IGFN1: variants seen among roughly 807,000 people sequenced by gnomAD.
IGFN1 encodes immunoglobulin-like and fibronectin type III domain-containing protein 1.
In IGFN1, 253 loss-of-function variants were observed where a neutral mutation model predicts 289.5. The observed-to-expected ratio is 0.87, with a 90% CI of 0.79 to 0.97. The LOEUF (loss-of-function observed/expected upper bound fraction) is 0.97. Among genes scored for constraint, IGFN1 ranks in the 50% least tolerant of loss-of-function variants. The pLI is 0.00. For synonymous variants in IGFN1, 1,706 were observed against 1,788.5 expected (o/e 0.95, Z 1.16); for missense variants, 4,470 against 4,686.1 (o/e 0.95, Z 1.35).
At chr1:201,220,108 C>T (rs190455040) in intron 18 of IGFN1, among the ~76,000 whole-genome samples, 1 of 144,496 alleles carries the variant, frequency 6.9e-6, no homozygotes, top group Non-Finnish European at 1.5e-5. Flanking sequence ...CTCTCTCCCC[C>T]TTCCTCCCTC....
At position 201,226,911 on chromosome 1, in the gene IGFN1, C is replaced by T. The variant is rs532414867; in HGVS notation, c.10816C>T (p.Arg3606Trp). Reference sequence around the variant, plus strand: ...GTTCACAGTGAAGGCTCCGTGCTACCGGGAGCCCGACCTGAGCCAGAAGCC... The same window carrying T: ...GTTCACAGTGAAGGCTCCGTGCTACTGGGAGCCCGACCTGAGCCAGAAGCC... The part of the protein sequence containing the change: ...DRFTVKAPCY[R>W]EPDLSQKPRF... The change falls in exon 23 of 24, where the codon CGG (arginine) becomes TGG (tryptophan). Residue 3606 changes from arginine (R) to tryptophan (W), a missense_variant. Arg to Trp is a moderately radical substitution (Grantham distance 101). This residue lies in a region of IGFN1 where 2,218 missense variants were observed against 2,114.1 expected (regional missense o/e 1.05). Coordinates refer to ENST00000335211, the MANE Select transcript of IGFN1 (RefSeq NM_001164586.2). 6.2e-5 allele frequency: 100 copies of T among 1,605,066 alleles called. No individual in the cohort carries two copies. In the East Asian group the frequency reaches 7.6e-4, roughly 12 times the overall value.
rs985692603 is a variant in IGFN1 at position 201,206,691 on chromosome 1, C to T, written c.1798C>T (p.Arg600Ter). 17 of 1,536,654 alleles carry T rather than the reference C, an allele frequency of 1.1e-5. No homozygotes were observed. The highest frequency in any genetic ancestry group is 1.7e-4 in the Middle Eastern group (1 of 6,012). The change falls in exon 12 of 24, where the codon CGA becomes TGA. Residue 600 changes from arginine to a stop codon, truncating the protein, a stop_gained. Transcript: ENST00000335211. LOFTEE classifies it high-confidence loss of function. Reference protein sequence around the residue: ...RHAPEQLWDARLGPGRGKSDL... With the variant: ...RHAPEQLWDA ...TGCCCCAGAGCAACTGTGGGATGCT[C>T]GACTGGGACCTGGGAGAGGAAAGAG...
At position 201,208,329 on chromosome 1, in the gene IGFN1, G is replaced by A. The variant is rs536971704; in HGVS notation, c.3436G>A (p.Gly1146Arg). The change falls in exon 12 of 24, where the codon GGG becomes AGG. Residue 1146 changes from glycine to arginine, a missense_variant. By Grantham distance (125) the Gly-to-Arg change is moderately radical. This residue lies in a region of IGFN1 where 2,011 missense variants were observed against 1,953.4 expected (regional missense o/e 1.03). Coordinates refer to ENST00000335211, the MANE Select transcript of IGFN1 (RefSeq NM_001164586.2). Reference sequence around the variant, plus strand: ...AGAAGGAGGCTATGAAGATGGCTCTGGGGGTCCAGGAGCCATGGGACCAGG... The same window carrying A: ...AGAAGGAGGCTATGAAGATGGCTCTAGGGGTCCAGGAGCCATGGGACCAGG... ...FGEGGYEDGS[G>R]GPGAMGPGSL... The A allele has an allele frequency of 6.7e-7, 1 of 1,501,164 alleles. No individual in the cohort carries two copies. The highest frequency in any genetic ancestry group is 2.3e-5 in the Admixed American group (1 of 43,586). 93.0% of individuals were successfully genotyped at this position (1,501,164 alleles called of 1,614,324 possible). A position where few individuals can be genotyped will look rare whatever the true frequency, so the allele number is the denominator to read the frequency against.
Position 201,207,629 on chromosome 1 carries a change from AGGTCCTG to A in IGFN1, c.2741_2747del (p.Pro914GlnfsTer2). On this transcript the variant is annotated frameshift_variant, in exon 12 of 24. Transcript: ENST00000335211. LOFTEE classifies it high-confidence loss of function. ...CACTAGGAGATAAGAAAGGATTAAGAGGTCCTGGGTCAATAGGGTCTGAACCAGATTT... is the reference window on the plus strand; with the variant it reads ...CACTAGGAGATAAGAAAGGATTAAGAGGTCAATAGGGTCTGAACCAGATTT... 1 of 1,537,064 alleles carries A rather than the reference AGGTCCTG, an allele frequency of 6.5e-7. No individual in the cohort carries two copies. Among genetic ancestry groups the A allele is most frequent in the Non-Finnish European group, 8.7e-7 (1 of 1,146,868 alleles).
In IGFN1 at chr1:201,208,949, G is replaced by A. The variant is rs1209079502; in HGVS notation, c.4056G>A (p.Ala1352=). 18 of 1,536,278 alleles carry A rather than the reference G, an allele frequency of 1.2e-5. No homozygotes were observed. Among genetic ancestry groups the A allele is most frequent in the Middle Eastern group, 1.7e-4 (1 of 6,010 alleles). The change falls in exon 12 of 24, where the codon GCG becomes GCA. Residue 1352 remains alanine, a synonymous_variant. Transcript: ENST00000335211. ...GTGGTTTACAGGATTCCAGGGAAGC[G>A]GGTTCAGGGAGCAAGGCAGATTATA... ...YRGGLQDSRE[A]GSGSKADYSG...
At chr1:201,221,391 G>T in intron 18 of IGFN1, 53 bp from the exon 19 acceptor site, 1 of 1,362,524 alleles carries the variant, frequency 7.3e-7, no homozygotes, top group Non-Finnish European at 9.9e-7. Context: ...TATCCACACT[G>T]AGTGGCCTCC....
At position 201,208,331 on chromosome 1, in the gene IGFN1, G is replaced by A; in HGVS notation, c.3438G>A (p.Gly1146=). The A allele has an allele frequency of 5.4e-6, 8 of 1,494,522 alleles. No homozygotes were observed. Among genetic ancestry groups the A allele is most frequent in the Non-Finnish European group, 7.1e-6 (8 of 1,131,904 alleles). 92.6% of individuals were successfully genotyped at this position (1,494,522 alleles called of 1,614,324 possible). The change falls in exon 12 of 24, where the codon GGG becomes GGA. Residue 1146 remains glycine (G), a synonymous_variant. Transcript: ENST00000335211. ...AAGGAGGCTATGAAGATGGCTCTGG[G>A]GGTCCAGGAGCCATGGGACCAGGGT... ...FGEGGYEDGS[G]GPGAMGPGSL...
chr1:201,227,003 C>G lies in IGFN1; in HGVS notation c.10908C>G (p.Ala3636=). 1 of 1,613,414 alleles carries G rather than the reference C, an allele frequency of 6.2e-7. No homozygotes were observed. The highest frequency in any genetic ancestry group is 8.5e-7 in the Non-Finnish European group (1 of 1,180,038). ...PQGCECCMSC[A]VQGSPRPHVT... ...GCTGCGAGTGCTGCATGAGCTGTGC[C>G]GTGCAGGGCTCGCCCCGGCCCCACG... The change falls in exon 23 of 24, where the codon GCC becomes GCG. Residue 3636 remains alanine (A), a synonymous_variant. Coordinates refer to ENST00000335211, the MANE Select transcript of IGFN1 (RefSeq NM_001164586.2).
At chr1:201,219,144 AC>A (rs1381657389) in intron 18 of IGFN1, among the ~76,000 whole-genome samples, 4 of 151,842 alleles carry the variant, frequency 2.6e-5, no homozygotes, top group Non-Finnish European at 5.9e-5. Flanking sequence ...AAGCTGGCCC[AC>A]CTGCCCCAGT....
chr1:201,215,718 G>C lies in IGFN1; in HGVS notation c.9175G>C (p.Gly3059Arg), dbSNP rs866136481. The stretch of plus-strand genomic sequence containing the variant: ...TGACAGGGAGGCCCAGGTGGACCTG[G>C]GGGATGGCTACACGCGGCTGTGCCT... ...SSDREAQVDLGDGYTRLCLPS... is the reference protein window; with the variant it reads ...SSDREAQVDLRDGYTRLCLPS... The change falls in exon 15 of 24, where the codon GGG (glycine) becomes CGG (arginine). Residue 3059 changes from glycine to arginine, a missense_variant. Around this residue, in one of 8 missense-constraint regions of IGFN1, gnomAD observed 2,218 missense variants for 2,114.1 expected, o/e 1.05. Coordinates refer to ENST00000335211, the MANE Select transcript of IGFN1 (RefSeq NM_001164586.2). 3.7e-6 allele frequency: 6 copies of C among 1,613,116 alleles called. No homozygotes were observed. The Middle Eastern group carries it at 5.0e-4, about 133-fold the overall frequency.
At chr1:201,216,003 G>A (rs1289737296) in intron 15 of IGFN1, 165 bp downstream of exon 15, 2 of 783,884 alleles carry the variant, frequency 2.6e-6, no homozygotes, top group East Asian at 2.7e-5. Context: ...GACTGCTTAG[G>A]AAGAAGCAGT....
chr1:201,213,174 A>C lies in IGFN1; in HGVS notation c.8281A>C (p.Ser2761Arg). Residue 2761 changes from serine (S) to arginine (R), a missense_variant, in exon 12 of 24, where the codon AGC becomes CGC. Around this residue, in one of 8 missense-constraint regions of IGFN1, gnomAD observed 2,218 missense variants for 2,114.1 expected, o/e 1.05. Transcript: ENST00000335211. ...TAGGTCAGGAGGGACCCAGGACCTG[A>C]GCTCTCAGCGAGGCAAGGGACAGAG... ...RDRSGGTQDL[S>R]SQRGKGQRGG... The C allele has an allele frequency of 6.4e-7, 1 of 1,551,602 alleles. No homozygotes were observed. The highest frequency in any genetic ancestry group is 8.7e-7 in the Non-Finnish European group (1 of 1,146,962).
intron 13 of IGFN1, among the ~76,000 whole-genome samples, chr1:201,214,521 T>C (rs1157621580): frequency 1.3e-5 from 2 of 152,190 alleles, no homozygotes; most frequent in Non-Finnish European, 2.9e-5. Context: ...ATACCCCTTG[T>C]TCTTCCACCA....
intron 9 of IGFN1, among the ~76,000 whole-genome samples, chr1:201,202,297 G>C (rs1433207593): frequency 6.6e-6 from 1 of 152,176 alleles, no homozygotes; most frequent in Non-Finnish European, 1.5e-5. Flanking sequence ...CTTATAAGCT[G>C]TATGACCTCA....
rs1340880471 is a variant in IGFN1 at position 201,228,323 on chromosome 1, T to C, written c.11114-63T>C. ...CCCCATTCTGAGTTTTCTTCACCACTGAACAGATGCAGGGTGGGGTGGCTG... is the reference window on the plus strand; with the variant it reads ...CCCCATTCTGAGTTTTCTTCACCACCGAACAGATGCAGGGTGGGGTGGCTG... On this transcript the variant is annotated intron_variant, in intron 23 of 23. Transcript: ENST00000335211. 1.9e-6 allele frequency: 3 copies of C among 1,553,578 alleles called. No homozygotes were observed. In the African/African-American group the frequency reaches 4.0e-5, roughly 21 times the overall value.
chr1:201,211,821 G>A lies in IGFN1; in HGVS notation c.6928G>A (p.Asp2310Asn). 2.0e-6 allele frequency: 3 copies of A among 1,536,662 alleles called. No homozygotes were observed. Among genetic ancestry groups the A allele is most frequent in the Non-Finnish European group, 2.6e-6 (3 of 1,146,664 alleles). The change falls in exon 12 of 24, where the codon GAT (aspartate) becomes AAT (asparagine). Residue 2310 changes from aspartate (D) to asparagine (N), a missense_variant. This residue lies in a region of IGFN1 where 2,218 missense variants were observed against 2,114.1 expected (regional missense o/e 1.05). Coordinates refer to ENST00000335211, the MANE Select transcript of IGFN1 (RefSeq NM_001164586.2). ...SEAGSRGSLE[D>N]SGYILSWNEA... ...GGCAGGTTCTAGGGGTAGTTTGGAG[G>A]ATTCTGGGTACATTTTGTCATGGAA...
chr1:201,221,550 G>C lies in IGFN1; in HGVS notation c.10005G>C (p.Gly3335=). ...CCCAGGAAGGGGATGAAGCCCAGGG[G>C]TATGTGGTGGAGCTGTGCAGCTCAG... The part of the protein sequence containing the change: ...PDTQEGDEAQ[G]YVVELCSSDS... The change falls in exon 19 of 24, where the codon GGG becomes GGC. Residue 3335 remains glycine (G), a synonymous_variant. Transcript: ENST00000335211. The C allele has an allele frequency of 6.2e-7, 1 of 1,614,162 alleles. No individual in the cohort carries two copies. The highest frequency in any genetic ancestry group is 8.5e-7 in the Non-Finnish European group (1 of 1,180,008).
intron 17 of IGFN1, among the ~76,000 whole-genome samples, chr1:201,218,155 G>T (rs1210352504): frequency 6.6e-6 from 1 of 152,242 alleles, no homozygotes; most frequent in Non-Finnish European, 1.5e-5. Context: ...AGGAGCTGAG[G>T]CCTGTCAGGG....
chr1:201,226,143 G>T lies in IGFN1; in HGVS notation c.10786+20G>T, dbSNP rs370071268. 12 of 1,560,620 alleles carry T rather than the reference G, an allele frequency of 7.7e-6. No individual in the cohort carries two copies. The highest frequency in any genetic ancestry group is 9.5e-6 in the Non-Finnish European group (11 of 1,153,102). On this transcript the variant is annotated intron_variant, in intron 22 of 23. Transcript: ENST00000335211. Reference sequence around the variant, plus strand: ...AGCGCGGTAAGCAGCCCCTGAGAGGGAGGAGCAGGCAGGGTGGGGGTTGCG... The same window carrying T: ...AGCGCGGTAAGCAGCCCCTGAGAGGTAGGAGCAGGCAGGGTGGGGGTTGCG...
Sources: gnomAD v4.1 joint callset for allele counts (sites outside exome capture counted in the v4.1 genomes callset) on GRCh38, gnomAD v4.1.1 for gene constraint, gnomAD v4.1.1 regional missense constraint, MANE v1.5 for transcripts, NCBI Gene and HGNC (gene_info 2026-07-23, HGNC 2026-07-21) for gene names.